Variants in TTLL11 observed in about 807,000 individuals in gnomAD.
TTLL11 encodes the protein tubulin tyrosine ligase like 11.
Under a neutral mutation model 51.7 loss-of-function variants are expected in TTLL11, and 42 were observed. The observed-to-expected ratio is 0.81, with a 90% confidence interval of 0.64 to 1.05. The LOEUF (loss-of-function observed/expected upper bound fraction) is 1.05, where lower values mean the gene tolerates loss of function less well. Ranked by LOEUF, TTLL11 falls within the 50% of genes least tolerant of loss-of-function variation. TTLL11 has a pLI of 0.00. For synonymous variants in TTLL11, 381 were observed against 383.5 expected (o/e 0.99, Z 0.08); for missense variants, 799 against 940.4 (o/e 0.85, Z 1.97).
At chr9:122,050,893 G>C (rs1276792677) in intron 1 of TTLL11, among the ~76,000 whole-genome samples, 1 of 152,122 alleles carries the variant, frequency 6.6e-6, no homozygotes, top group Non-Finnish European at 1.5e-5. Flanking sequence ...CCAACAGCTT[G>C]ATTGTAGCCT....
intron 8 of TTLL11, among the ~76,000 whole-genome samples, chr9:121,826,127 A>G (rs981829831): frequency 1.3e-4 from 18 of 141,852 alleles, no homozygotes; most frequent in African/African-American, 4.2e-4. Context: ...CTTTTTGCAC[A>G]TATATTCTAC....
In TTLL11 at chr9:122,092,958, G is replaced by A. The variant is rs772065036; in HGVS notation, c.191C>T (p.Ala64Val). ...KAGEEQPKVL[A>V]PAPAQPSAAE... ...CGCACTGGGCTGCGCCGGGGCCGGG[G>A]CCAGGACCTTGGGCTGCTCCTCCCC... is the stretch of plus-strand genomic sequence containing the variant. Residue 64 changes from alanine to valine, a missense_variant, in exon 1 of 9, where the codon GCC (alanine) becomes GTC (valine). Coordinates refer to ENST00000321582, the MANE Select transcript of TTLL11 (RefSeq NM_001139442.2). 1.4e-4 allele frequency: 229 copies of A among 1,580,314 alleles called. No individual in the cohort carries two copies. Among genetic ancestry groups the A allele is most frequent in the Middle Eastern group, 1.9e-4 (1 of 5,212 alleles).
intron 8 of TTLL11, among the ~76,000 whole-genome samples, chr9:121,849,202 CAAAT>C (rs1343413455): frequency 2.6e-5 from 4 of 152,284 alleles, no homozygotes; most frequent in Non-Finnish European, 4.4e-5. Context: ...ATAAGCAAAA[CAAAT>C]AAATAAGAGA....
intron 6 of TTLL11, among the ~76,000 whole-genome samples, chr9:121,895,174 G>A (rs1839410339): frequency 6.6e-6 from 1 of 152,164 alleles, no homozygotes. Flanking sequence ...AGAGTTTTCA[G>A]AATCCTTCTC....
At chr9:121,910,929 C>T (rs79656498) in intron 6 of TTLL11, among the ~76,000 whole-genome samples, 2,570 of 151,904 alleles carry the variant, frequency 0.017, 78 homozygotes, top group African/African-American at 0.059. Flanking sequence ...AATAAGAGAG[C>T]CAGGAATAGT....
intron 6 of TTLL11, among the ~76,000 whole-genome samples, chr9:121,930,888 G>A (rs576652746): frequency 6.6e-6 from 1 of 152,370 alleles, no homozygotes; most frequent in Non-Finnish European, 1.5e-5. Context: ...TTAGTCAACA[G>A]TAGTTATTAA....
rs1324535012 is a variant in TTLL11 at position 122,092,672 on chromosome 9, CG to C, written c.462+14del. Reference sequence around the variant, plus strand: ...CCCCACTGTGCCCACGCGGCCGGGTCGGGCCGGGCCTCACCTCCTTCCACTT... The same window carrying C: ...CCCCACTGTGCCCACGCGGCCGGGTCGGCCGGGCCTCACCTCCTTCCACTT... On this transcript the variant is annotated intron_variant, in intron 1 of 8. Transcript: ENST00000321582. The C allele has an allele frequency of 9.1e-6, 14 of 1,536,372 alleles. No individual in the cohort carries two copies. Among genetic ancestry groups the C allele is most frequent in the Middle Eastern group, 4.5e-4 (2 of 4,478 alleles).
intron 4 of TTLL11, among the ~76,000 whole-genome samples, chr9:121,983,142 C>A (rs1281373458): frequency 6.6e-6 from 1 of 152,102 alleles, no homozygotes. Context: ...AGGATATTTG[C>A]AAGAGTTGCT....
intron 2 of TTLL11, among the ~76,000 whole-genome samples, chr9:122,036,095 T>A (rs1284010950): frequency 2.0e-5 from 3 of 152,182 alleles, no homozygotes; most frequent in Non-Finnish European, 4.4e-5. Flanking sequence ...AAATCTGGGT[T>A]AGGTTGCCCG....
chr9:122,050,689 C>T (rs1845134276), intron 1 of TTLL11, among the ~76,000 whole-genome samples: 1 of 152,092 alleles, frequency 6.6e-6, no homozygotes, highest in Non-Finnish European at 1.5e-5. Context: ...TAAGCCGTCA[C>T]TTCTGATATT....
intron 8 of TTLL11, among the ~76,000 whole-genome samples, chr9:121,829,263 T>G (rs1312618242): frequency 6.6e-6 from 1 of 152,016 alleles, no homozygotes; most frequent in East Asian, 1.9e-4. Flanking sequence ...CAAGACCCTG[T>G]CTTCAAAAAA....
rs111415762 is a variant in TTLL11 at position 121,951,733 on chromosome 9, C to T, written c.1481+22276G>A. 5.9e-3 allele frequency among the ~76,000 whole-genome samples: 898 copies of T among 152,140 alleles called. 8 individuals are homozygous for T. The highest frequency in any genetic ancestry group is 0.021 in the African/African-American group (861 of 41,488). On this transcript the variant is annotated intron_variant, in intron 6 of 8. Transcript: ENST00000321582. ...ACCTCCCGCAGGAAAGAATTCAGGGCGAGTCCGAGTAAAGTGAAAGCGAGT... is the reference window on the plus strand; with the variant it reads ...ACCTCCCGCAGGAAAGAATTCAGGGTGAGTCCGAGTAAAGTGAAAGCGAGT...
chr9:121,992,773 C>T (rs1488255572), intron 3 of TTLL11, among the ~76,000 whole-genome samples: 2 of 152,162 alleles, frequency 1.3e-5, no homozygotes, highest in African/African-American at 4.8e-5. Context: ...ACTCCGCGGG[C>T]CTACTGAAAA....
At chr9:121,931,599 AAAAAAAG>A (rs1840982938) in intron 6 of TTLL11, among the ~76,000 whole-genome samples, 1 of 151,016 alleles carries the variant, frequency 6.6e-6, no homozygotes, top group African/African-American at 2.4e-5. Context: ...AAAAAAAAAA[AAAAAAAG>A]AAAAGAAAAG....
At chr9:122,034,559 C>G (rs1844648581) in intron 2 of TTLL11, among the ~76,000 whole-genome samples, 1 of 152,168 alleles carries the variant, frequency 6.6e-6, no homozygotes. Flanking sequence ...AGCACCAAAC[C>G]TTTGCTCCTC....
intron 3 of TTLL11, among the ~76,000 whole-genome samples, chr9:121,996,655 C>T (rs780903771): frequency 3.4e-4 from 52 of 152,194 alleles, no homozygotes; most frequent in Non-Finnish European, 5.6e-4. Flanking sequence ...TACTTTTGCA[C>T]CAACCTAAAT....
intron 3 of TTLL11, among the ~76,000 whole-genome samples, chr9:121,994,784 G>A (rs1843207174): frequency 6.6e-6 from 1 of 152,256 alleles, no homozygotes; most frequent in Non-Finnish European, 1.5e-5. Context: ...ATTATGGGAT[G>A]ATGCCTCAGG....
At chr9:121,828,650 T>G (rs983735524) in intron 8 of TTLL11, among the ~76,000 whole-genome samples, 2 of 152,228 alleles carry the variant, frequency 1.3e-5, no homozygotes, top group African/African-American at 4.8e-5. Flanking sequence ...TGCTCACTAT[T>G]GTTGAGAATA....
intron 8 of TTLL11, among the ~76,000 whole-genome samples, chr9:121,856,261 C>A (rs115575444): frequency 6.6e-6 from 1 of 152,108 alleles, no homozygotes; most frequent in Non-Finnish European, 1.5e-5. Context: ...TTAATAGAGA[C>A]GGGGTCTTGC....
Sources: gnomAD v4.1 joint callset for allele counts (sites outside exome capture counted in the v4.1 genomes callset) on GRCh38, gnomAD v4.1.1 for gene constraint, MANE v1.5 for transcripts, NCBI Gene and HGNC (gene_info 2026-07-23, HGNC 2026-07-21) for gene names.